Variants in SLC30A8 observed in about 807,000 individuals in gnomAD.
SLC30A8 encodes the protein proton-coupled zinc antiporter SLC30A8.
A neutral mutation model predicts 36.9 loss-of-function variants in SLC30A8; 27 were observed. The observed-to-expected ratio is 0.73, with a 90% CI of 0.54 to 1.01. SLC30A8 has a LOEUF of 1.01. SLC30A8 is among the 50% of genes least tolerant of loss of function. The pLI is 0.00. For synonymous variants in SLC30A8, 164 were observed against 172.4 expected (o/e 0.95, Z 0.38); for missense variants, 439 against 452.0 (o/e 0.97, Z 0.26).
At chr8:116,996,649 T>C (rs1815829405) in intron 1 of SLC30A8, among the ~76,000 whole-genome samples, 1 of 152,180 alleles carries the variant, frequency 6.6e-6, no homozygotes, top group Non-Finnish European at 1.5e-5. Context: ...TTATCCCGTG[T>C]AGGGCTTATA....
chr8:116,988,661 CA>C (rs1815531940), intron 1 of SLC30A8, among the ~76,000 whole-genome samples: 1 of 152,180 alleles, frequency 6.6e-6, no homozygotes, highest in African/African-American at 2.4e-5. Context: ...GAACAATTGT[CA>C]AAGACCATGC....
intron 2 of SLC30A8, among the ~76,000 whole-genome samples, chr8:117,046,883 G>C (rs1817569555): frequency 6.6e-6 from 1 of 152,080 alleles, no homozygotes; most frequent in African/African-American, 2.4e-5. Flanking sequence ...TTTTTTCTTT[G>C]TTATTAACTA....
rs1042342368 is a variant in SLC30A8, at chr8:117,055,313, G to C, written c.-226+16055G>C. Among the ~76,000 whole-genome samples, 4 of 152,170 alleles carry C rather than the reference G, an allele frequency of 2.6e-5. 1 individual carries two copies. Among genetic ancestry groups the C allele is most frequent in the Admixed American group, 2.6e-4 (4 of 15,274 alleles). The stretch of plus-strand genomic sequence containing the variant: ...ATGAGCCCAAAGGTTCTGCAATGTG[G>C]ATAGAAATCTCCTTGGTTATATGCT... On this transcript the variant is annotated intron_variant, in intron 2 of 10. Coordinates refer to the SLC30A8 transcript ENST00000427715.
intron 1 of SLC30A8, among the ~76,000 whole-genome samples, chr8:117,021,668 G>T (rs139041129): frequency 6.6e-6 from 1 of 152,156 alleles, no homozygotes; most frequent in Admixed American, 6.5e-5. Flanking sequence ...TCTAAAATCT[G>T]CATGGATTTG....
intron 1 of SLC30A8, among the ~76,000 whole-genome samples, chr8:117,032,305 C>T (rs1586422391): frequency 6.6e-6 from 1 of 152,122 alleles, no homozygotes; most frequent in Non-Finnish European, 1.5e-5. Flanking sequence ...ATCATGAGTT[C>T]TCTGAAAACA....
In SLC30A8 at chr8:117,077,498, C is replaced by T. The variant is rs116984120; in HGVS notation, c.-226+38240C>T. 2.5e-3 allele frequency among the ~76,000 whole-genome samples: 384 copies of T among 152,180 alleles called. 1 individual carries two copies. The highest frequency in any genetic ancestry group is 4.5e-3 in the Non-Finnish European group (305 of 68,006). On this transcript the variant is annotated intron_variant, in intron 2 of 10. Transcript: ENST00000427715. ...TAATCTAAGGCCTATGATCTTTGGACGCAAACCTATAAGAATAAGAGAAAA... is the reference window on the plus strand; with the variant it reads ...TAATCTAAGGCCTATGATCTTTGGATGCAAACCTATAAGAATAAGAGAAAA...
At chr8:116,998,183 AAAAG>A (rs1488298705) in intron 1 of SLC30A8, among the ~76,000 whole-genome samples, 4 of 152,232 alleles carry the variant, frequency 2.6e-5, no homozygotes, top group Non-Finnish European at 4.4e-5. Flanking sequence ...AAAATATGAA[AAAAG>A]AAAGCTTAGC....
chr8:117,046,462 A>T (rs1247838144), intron 2 of SLC30A8, among the ~76,000 whole-genome samples: 46 of 152,232 alleles, frequency 3.0e-4, no homozygotes. Context: ...TACCTGACAC[A>T]GAGTAGGTGG....
chr8:116,968,648 A>AAT (rs10623413), intron 1 of SLC30A8, among the ~76,000 whole-genome samples: 43,725 of 149,176 alleles, frequency 0.29, 6,663 homozygotes, highest in East Asian at 0.47. Flanking sequence ...CATGACAATG[A>AAT]ATATATATAT....
intron 1 of SLC30A8, among the ~76,000 whole-genome samples, chr8:117,137,427 G>T (rs1348553097): frequency 6.6e-6 from 1 of 151,944 alleles, no homozygotes; most frequent in East Asian, 1.9e-4. Flanking sequence ...CAAATGGAGT[G>T]TTCCATTTAT....
intron 1 of SLC30A8, among the ~76,000 whole-genome samples, chr8:117,022,816 G>A (rs989264972): frequency 3.9e-5 from 6 of 152,194 alleles, no homozygotes; most frequent in East Asian, 1.9e-4. Flanking sequence ...CATAGGCATG[G>A]GCAAGGACTT....
chr8:117,109,503 G>C (rs1321205074), intron 2 of SLC30A8, among the ~76,000 whole-genome samples: 1 of 152,094 alleles, frequency 6.6e-6, no homozygotes, highest in Non-Finnish European at 1.5e-5. Context: ...AGAAAGAAGT[G>C]TTCCAGTCAC....
chr8:117,160,403 TTGTGTG>T lies in SLC30A8; in HGVS notation c.573-1308_573-1303del, dbSNP rs71569723. Among the ~76,000 whole-genome samples the T allele has an allele frequency of 1.7e-3, 255 of 145,908 alleles. 1 individual carries two copies. The highest frequency in any genetic ancestry group is 4.8e-3 in the East Asian group (24 of 4,964). ...ACTTATTGTAATTAGAATTTTCCAC[TTGTGTG>T]TGTGTGTGTGTGTGTGTGTGTGTGT... On this transcript the variant is annotated intron_variant, in intron 4 of 7. Transcript: ENST00000456015.
intron 2 of SLC30A8, among the ~76,000 whole-genome samples, chr8:117,065,194 CT>C (rs1237482733): frequency 6.6e-6 from 1 of 152,026 alleles, no homozygotes; most frequent in African/African-American, 2.4e-5. Flanking sequence ...GAAAGACGAC[CT>C]GAACATTAAA....
intron 7 of SLC30A8, among the ~76,000 whole-genome samples, chr8:117,172,011 A>G (rs1472604746): frequency 1.3e-5 from 2 of 152,100 alleles, no homozygotes; most frequent in East Asian, 3.9e-4. Context: ...AATCTAGTAA[A>G]CACTCAGGTT....
intron 2 of SLC30A8, among the ~76,000 whole-genome samples, chr8:117,110,894 T>C (rs1181387556): frequency 6.6e-6 from 1 of 151,968 alleles, no homozygotes; most frequent in East Asian, 1.9e-4. Flanking sequence ...GACACCAAGG[T>C]TAGAGGCCGT....
intron 1 of SLC30A8, among the ~76,000 whole-genome samples, chr8:117,011,632 G>A (rs1354085472): frequency 6.6e-6 from 1 of 151,994 alleles, no homozygotes; most frequent in Non-Finnish European, 1.5e-5. Flanking sequence ...ACTATCCTTG[G>A]GCACTGCCAA....
chr8:116,974,679 A>G (rs1814918484), intron 1 of SLC30A8, among the ~76,000 whole-genome samples: 1 of 152,168 alleles, frequency 6.6e-6, no homozygotes, highest in Non-Finnish European at 1.5e-5. Context: ...CAGCCATCCC[A>G]TTACTGGGTA....
At chr8:117,145,688 A>G (rs577377975) in intron 1 of SLC30A8, among the ~76,000 whole-genome samples, 1 of 152,202 alleles carries the variant, frequency 6.6e-6, no homozygotes, top group Non-Finnish European at 1.5e-5. Flanking sequence ...TGCCTTCCTG[A>G]CTCAATATTA....
Sources: gnomAD v4.1 joint callset for allele counts (sites outside exome capture counted in the v4.1 genomes callset) on GRCh38, gnomAD v4.1.1 for gene constraint, MANE v1.5 for transcripts, NCBI Gene and HGNC (gene_info 2026-07-23, HGNC 2026-07-21) for gene names.